Variants in DOCK7 observed in about 807,000 individuals in gnomAD.
DOCK7 encodes the protein dedicator of cytokinesis 7.
DOCK7 carries 138 observed loss-of-function variants against 271.0 expected under a neutral mutation model. That is an observed-to-expected ratio of 0.51 (90% confidence interval 0.44 to 0.59). DOCK7 has a LOEUF of 0.59. DOCK7 is among the 20% of genes least tolerant of loss of function. The probability of loss-of-function intolerance (pLI) is 0.00; values close to 1 mark genes in which losing one functional copy is unlikely to be tolerated. For synonymous variants in DOCK7, 823 were observed against 876.1 expected, an observed-to-expected ratio of 0.94 and a Z score of 1.07; for missense variants, 2,066 against 2,592.4, an observed-to-expected ratio of 0.80 and a Z score of 4.41.
At chr1:62,604,785 A>G in intron 14 of DOCK7, 1 of 1,613,114 alleles carries the variant, frequency 6.2e-7, no homozygotes, top group Non-Finnish European at 8.5e-7. Context: ...CAAAATGTTG[A>G]TCCATCCAAC....
chr1:62,502,299 A>G (rs1646805981), intron 37 of DOCK7, among the ~76,000 whole-genome samples: 1 of 152,222 alleles, frequency 6.6e-6, no homozygotes, highest in Non-Finnish European at 1.5e-5. Context: ...AAGGCAGCCA[A>G]TGGAAGCAAC....
Position 62,539,678 on chromosome 1 carries a change from A to T in DOCK7, c.3187-20T>A. 6.2e-7 allele frequency: 1 copy of T among 1,610,678 alleles called. No homozygotes were observed. The highest frequency in any genetic ancestry group is 8.5e-7 in the Non-Finnish European group (1 of 1,179,014). On this transcript the variant is annotated intron_variant, in intron 26 of 49. Transcript: ENST00000635253. ...TGTGTCCTGTGAAACAGAATATAAA[A>T]CAAAAACAAATTAAAGTATGATAGC...
chr1:62,611,937 G>C (rs1056085222), intron 14 of DOCK7, among the ~76,000 whole-genome samples: 12 of 151,178 alleles, frequency 7.9e-5, no homozygotes, highest in Non-Finnish European at 1.6e-4. Context: ...CTGAGGTCAG[G>C]AGTTCGAGAC....
intron 1 of DOCK7, among the ~76,000 whole-genome samples, chr1:62,684,911 T>C (rs1661560195): frequency 6.6e-6 from 1 of 152,168 alleles, no homozygotes; most frequent in Admixed American, 6.5e-5. Flanking sequence ...AAAAAATAAC[T>C]GCGACAGAAA....
chr1:62,555,888 G>A lies in DOCK7; in HGVS notation c.2533C>T (p.Leu845Phe). ...AAAACATAATGAATATATGATGCAA[G>A]AAGGCTGTTTCTGCCATGCTGGTCA... ...NHDQHGRNSL[L>F]ASYIHYVFRL... The change falls in exon 21 of 50, where the codon CTT becomes TTT. Residue 845 changes from leucine to phenylalanine, a missense_variant. Around this residue, in one of 2 missense-constraint regions of DOCK7, gnomAD observed 1,414 missense variants for 1,670.4 expected, o/e 0.85. Transcript: ENST00000635253. The A allele has an allele frequency of 1.2e-6, 2 of 1,613,940 alleles. No individual in the cohort carries two copies. The highest frequency in any genetic ancestry group is 1.1e-5 in the South Asian group (1 of 91,074).
chr1:62,656,167 T>A (rs1657993361), intron 2 of DOCK7, among the ~76,000 whole-genome samples: 1 of 152,158 alleles, frequency 6.6e-6, no homozygotes, highest in Non-Finnish European at 1.5e-5. Context: ...AATCTTTGTA[T>A]CACAACATAT....
At chr1:62,542,571 G>GA in intron 25 of DOCK7, 37 bp downstream of exon 25, 13 of 1,572,360 alleles carry the variant, frequency 8.3e-6, no homozygotes, top group Non-Finnish European at 1.0e-5. Context: ...TTCACTAAGA[G>GA]AAAAAATATT....
At chr1:62,479,029 G>A in intron 43 of DOCK7, 1 of 151,940 alleles carries the variant, frequency 6.6e-6, no homozygotes, top group East Asian at 1.9e-4. Context: ...GGGATTACAG[G>A]TGTGTGCCAC....
At chr1:62,458,027 C>G (rs1230962139) in intron 48 of DOCK7, 1 of 224,408 alleles carries the variant, frequency 4.5e-6, no homozygotes, top group East Asian at 1.0e-4. Flanking sequence ...TGGTGCACTC[C>G]TGTAGCCCCA....
intron 45 of DOCK7, 45 bp from the exon 46 acceptor site, chr1:62,475,988 AT>A: frequency 6.2e-7 from 1 of 1,604,280 alleles, no homozygotes; most frequent in Non-Finnish European, 8.5e-7. Context: ...TTAAGTCATC[AT>A]TTAGTCTTTC....
chr1:62,634,778 T>C lies in DOCK7; in HGVS notation c.1030A>G (p.Ile344Val). The change falls in exon 9 of 50, where the codon ATA becomes GTA. Residue 344 changes from isoleucine (I) to valine (V), a missense_variant. Ile to Val is a conservative substitution (Grantham distance 29). Around this residue, in one of 2 missense-constraint regions of DOCK7, gnomAD observed 1,414 missense variants for 1,670.4 expected, o/e 0.85. Transcript: ENST00000635253. The part of the protein sequence containing the change: ...TYPSQDVFLV[I>V]KLEKVLQQGD... The stretch of plus-strand genomic sequence containing the variant: ...ATATTTAACATTATTCTCACCTTTA[T>C]TACAAGAAAAACATCTTGGGAAGGA... 6.2e-7 allele frequency: 1 copy of C among 1,611,682 alleles called. No individual in the cohort carries two copies. Among genetic ancestry groups the C allele is most frequent in the South Asian group, 1.1e-5 (1 of 90,752 alleles).
At position 62,538,086 on chromosome 1, in the gene DOCK7, G is replaced by A. The variant is rs752979564; in HGVS notation, c.3301-25C>T. ...CCTTGTAAGCAATGCATAAGTAAGA[G>A]AACACCAATTGAATCTATTATTTCT... On this transcript the variant is annotated intron_variant, in intron 27 of 49. Transcript: ENST00000635253. The A allele has an allele frequency of 3.1e-6, 5 of 1,596,658 alleles. No individual in the cohort carries two copies. In the Admixed American group the frequency reaches 8.6e-5, roughly 27 times the overall value.
At chr1:62,525,740 T>C (rs1405379530) in intron 31 of DOCK7, among the ~76,000 whole-genome samples, 17 of 152,088 alleles carry the variant, frequency 1.1e-4, no homozygotes, top group Admixed American at 1.0e-3. Flanking sequence ...ATTTTATAGG[T>C]AGAATGTCAC....
intron 18 of DOCK7, among the ~76,000 whole-genome samples, chr1:62,567,555 A>T (rs1167597358): frequency 6.2e-5 from 9 of 144,764 alleles, no homozygotes; most frequent in South Asian, 2.3e-4. Context: ...TGGGGGGTGG[A>T]GGGCTAGGGG....
chr1:62,660,130 AG>A (rs1658496746), intron 2 of DOCK7, among the ~76,000 whole-genome samples: 1 of 152,190 alleles, frequency 6.6e-6, no homozygotes, highest in Non-Finnish European at 1.5e-5. Flanking sequence ...TTCTTTACAA[AG>A]GTCCCAAAAG....
intron 30 of DOCK7, 118 bp from the exon 31 acceptor site, chr1:62,528,423 ACTT>A: frequency 1.1e-6 from 1 of 917,490 alleles, no homozygotes; most frequent in South Asian, 2.4e-5. Context: ...TATTAGATTT[ACTT>A]CTTTTGGATA....
At chr1:62,666,734 T>G (rs1488230450) in intron 1 of DOCK7, among the ~76,000 whole-genome samples, 1 of 152,220 alleles carries the variant, frequency 6.6e-6, no homozygotes, top group African/African-American at 2.4e-5. Flanking sequence ...TTACTCCTAG[T>G]GATAGCTCAG....
In DOCK7 at chr1:62,474,098, A is replaced by G; in HGVS notation, c.6106-10T>C. On this transcript the variant is annotated splice_polypyrimidine_tract_variant and intron_variant, in intron 47 of 49. Transcript: ENST00000635253. ...CAACTTCCAAAGGCCCCTGCAAAAT[A>G]AGAAAATAAGAAGTGTGTTTTTTTG... is the stretch of plus-strand genomic sequence containing the variant. The G allele has an allele frequency of 1.2e-6, 2 of 1,600,500 alleles. No individual in the cohort carries two copies. Among genetic ancestry groups the G allele is most frequent in the Non-Finnish European group, 1.7e-6 (2 of 1,172,468 alleles).
At chr1:62,483,250 C>A (rs561607252) in intron 43 of DOCK7, 157 of 130,392 alleles carry the variant, frequency 1.2e-3, no homozygotes, top group African/African-American at 4.2e-3. Context: ...AGACTGGTTT[C>A]AAACTTCAGG....
Sources: gnomAD v4.1 joint callset for allele counts (sites outside exome capture counted in the v4.1 genomes callset) on GRCh38, gnomAD v4.1.1 for gene constraint, gnomAD v4.1.1 regional missense constraint, MANE v1.5 for transcripts, NCBI Gene and HGNC (gene_info 2026-07-23, HGNC 2026-07-21) for gene names.